NOVA1: variants seen among roughly 807,000 people sequenced by gnomAD.
NOVA1 encodes the protein NOVA alternative splicing regulator 1, also known as RNA-binding protein Nova-1.
A neutral mutation model predicts 38.0 loss-of-function variants in NOVA1; 7 were observed. The observed-to-expected ratio is 0.18, with a 90% CI of 0.10 to 0.35. The LOEUF (loss-of-function observed/expected upper bound fraction) is 0.35, where lower values mean the gene tolerates loss of function less well. Ranked by LOEUF, NOVA1 falls within the 10% of genes least tolerant of loss-of-function variation. The probability of loss-of-function intolerance (pLI) is 1.00; values close to 1 mark genes in which losing one functional copy is unlikely to be tolerated. For synonymous variants in NOVA1, 270 were observed against 232.5 expected, an observed-to-expected ratio of 1.16 and a Z score of -1.47; for missense variants, 460 against 616.0, an observed-to-expected ratio of 0.75 and a Z score of 2.68.
chr14:26,531,027 C>G (rs1224474606), intron 2 of NOVA1, among the ~76,000 whole-genome samples: 1 of 152,090 alleles, frequency 6.6e-6, no homozygotes, highest in Non-Finnish European at 1.5e-5. Flanking sequence ...CAGTCTCCAC[C>G]TAAACCCACT....
chr14:26,504,452 C>T (rs1436678852), intron 2 of NOVA1, among the ~76,000 whole-genome samples: 1 of 152,144 alleles, frequency 6.6e-6, no homozygotes. Context: ...ACATCCTTAT[C>T]TCTTCCCTTT....
rs1594366966 is a variant in NOVA1, at chr14:26,478,800, T to TA, written c.447+1176dup. Reference sequence around the variant, plus strand: ...TGAACCATTTGACACTGACAAAGATTATAATATGAACATTTTTGTATAGAA... The same window carrying TA: ...TGAACCATTTGACACTGACAAAGATTAATAATATGAACATTTTTGTATAGAA... On this transcript the variant is annotated intron_variant, in intron 3 of 4. Transcript: ENST00000539517. Among the ~76,000 whole-genome samples the TA allele has an allele frequency of 2.6e-5, 4 of 152,098 alleles. 1 individual carries two copies. The East Asian group carries it at 7.7e-4, about 29-fold the overall frequency.
At chr14:26,576,700 A>T (rs1239515367) in intron 2 of NOVA1, among the ~76,000 whole-genome samples, 2 of 151,112 alleles carry the variant, frequency 1.3e-5, no homozygotes, top group Non-Finnish European at 3.0e-5. Flanking sequence ...TATATAATCT[A>T]ATGAACAGGT....
In NOVA1 at chr14:26,494,304, T is replaced by G. The variant is rs28631655; in HGVS notation, c.281-14161A>C. Among the ~76,000 whole-genome samples the G allele has an allele frequency of 2.3e-3, 349 of 152,326 alleles. 1 individual carries two copies. The highest frequency in any genetic ancestry group is 8.2e-3 in the African/African-American group (340 of 41,574). The stretch of plus-strand genomic sequence containing the variant: ...TATGGAGCAGGTAGGGAAGCTGTTG[T>G]CTTTCTCTTCTCTCTCAAATCCCAG... On this transcript the variant is annotated intron_variant, in intron 2 of 4. Transcript: ENST00000539517.
At chr14:26,456,132 A>G (rs1426099731) in intron 4 of NOVA1, among the ~76,000 whole-genome samples, 1 of 152,068 alleles carries the variant, frequency 6.6e-6, no homozygotes, top group Non-Finnish European at 1.5e-5. Flanking sequence ...TGTATTCAAC[A>G]TATTTGAATA....
intron 2 of NOVA1, among the ~76,000 whole-genome samples, chr14:26,588,716 A>G (rs151264705): frequency 1.3e-5 from 2 of 151,692 alleles, no homozygotes; most frequent in East Asian, 3.9e-4. Flanking sequence ...GTGAAATTTT[A>G]AAGTATTTTT....
At chr14:26,584,700 A>G (rs905020159) in intron 2 of NOVA1, among the ~76,000 whole-genome samples, 3 of 151,376 alleles carry the variant, frequency 2.0e-5, no homozygotes, top group African/African-American at 7.3e-5. Flanking sequence ...TATGCCTTAA[A>G]TGACTTTCCA....
chr14:26,508,070 T>C (rs1399586012), intron 2 of NOVA1, among the ~76,000 whole-genome samples: 1 of 152,056 alleles, frequency 6.6e-6, no homozygotes, highest in Non-Finnish European at 1.5e-5. Flanking sequence ...ATTTGAGAGT[T>C]CTGCACTTTT....
chr14:26,498,913 T>C lies in NOVA1; in HGVS notation c.281-18770A>G. On this transcript the variant is annotated intron_variant, in intron 2 of 4. Coordinates refer to ENST00000539517, the MANE Select transcript of NOVA1 (RefSeq NM_002515.3). ...CAACTTGGGTGGAATTGGAGAATATTATGCTAAGTGAAATAAGCCAGCCAC... is the reference window on the plus strand; with the variant it reads ...CAACTTGGGTGGAATTGGAGAATATCATGCTAAGTGAAATAAGCCAGCCAC... Among the ~76,000 whole-genome samples, 2 of 152,188 alleles carry C rather than the reference T, an allele frequency of 1.3e-5. 1 individual carries two copies. Among genetic ancestry groups the C allele is most frequent in the Middle Eastern group, 6.3e-3 (2 of 316 alleles).
intron 2 of NOVA1, among the ~76,000 whole-genome samples, chr14:26,535,600 G>C (rs1366442499): frequency 1.3e-5 from 2 of 152,106 alleles, no homozygotes; most frequent in African/African-American, 4.8e-5. Flanking sequence ...AATTTAGCAT[G>C]ATTATAGTAT....
In NOVA1 at chr14:26,480,037, C is replaced by T; in HGVS notation, c.387G>A (p.Lys129=). The change falls in exon 3 of 5, where the codon AAG becomes AAA. Residue 129 remains lysine, a synonymous_variant. Transcript: ENST00000539517. ...GTTGTAGAATGCTGACTGGTTCTGTCTTGGCCACATTTTGGGGCATTTCTC... is the reference window on the plus strand; with the variant it reads ...GTTGTAGAATGCTGACTGGTTCTGTTTTGGCCACATTTTGGGGCATTTCTC... The part of the protein sequence containing the change: ...KIREMPQNVA[K]TEPVSILQPQ... 6.2e-7 allele frequency: 1 copy of T among 1,614,048 alleles called. No homozygotes were observed.
At chr14:26,538,790 T>C (rs930778077) in intron 2 of NOVA1, among the ~76,000 whole-genome samples, 1 of 152,142 alleles carries the variant, frequency 6.6e-6, no homozygotes, top group African/African-American at 2.4e-5. Flanking sequence ...GTAATTATGG[T>C]AAAATTTTAA....
At chr14:26,481,012 G>A (rs1449244946) in intron 2 of NOVA1, among the ~76,000 whole-genome samples, 15 of 151,940 alleles carry the variant, frequency 9.9e-5, no homozygotes, top group Non-Finnish European at 2.9e-5. Flanking sequence ...CACACAGGTC[G>A]TATCACCTAT....
intron 2 of NOVA1, among the ~76,000 whole-genome samples, chr14:26,515,473 C>T (rs943414049): frequency 2.0e-5 from 3 of 151,926 alleles, no homozygotes; most frequent in African/African-American, 7.2e-5. Context: ...ATAATACATA[C>T]TATACTAATC....
At chr14:26,472,234 A>G in intron 4 of NOVA1, 86 bp downstream of exon 4, 1 of 804,204 alleles carries the variant, frequency 1.2e-6, no homozygotes, top group South Asian at 1.5e-5. Flanking sequence ...GAACGAATAA[A>G]TCCTTAACCC....
intron 2 of NOVA1, among the ~76,000 whole-genome samples, chr14:26,511,460 G>A (rs1447577567): frequency 1.3e-5 from 2 of 151,892 alleles, no homozygotes; most frequent in African/African-American, 4.8e-5. Flanking sequence ...TTGCAGATAG[G>A]GTATTAATTT....
chr14:26,457,399 C>A (rs955016154), intron 4 of NOVA1, among the ~76,000 whole-genome samples: 19 of 151,994 alleles, frequency 1.3e-4, no homozygotes, highest in Non-Finnish European at 2.1e-4. Context: ...CACCAAATAA[C>A]AAAGTTTGGT....
At chr14:26,580,230 G>A (rs1359402187) in intron 2 of NOVA1, among the ~76,000 whole-genome samples, 1 of 151,926 alleles carries the variant, frequency 6.6e-6, no homozygotes, top group Non-Finnish European at 1.5e-5. Context: ...GATCATGAAA[G>A]ACAATATTAA....
intron 2 of NOVA1, among the ~76,000 whole-genome samples, chr14:26,573,470 T>C (rs1892617545): frequency 6.6e-6 from 1 of 151,942 alleles, no homozygotes; most frequent in Non-Finnish European, 1.5e-5. Flanking sequence ...AAATAAGAAC[T>C]GAACATATTA....
Sources: allele counts gnomAD v4.1 joint callset (sites outside exome capture counted in the v4.1 genomes callset), GRCh38; gene constraint gnomAD v4.1.1; transcripts MANE v1.5; gene names NCBI Gene and HGNC (gene_info 2026-07-23, HGNC 2026-07-21).